ADAMTS17: variants seen among roughly 807,000 people sequenced by gnomAD.
ADAMTS17 encodes the protein ADAM metallopeptidase with thrombospondin type 1 motif 17.
Under a neutral mutation model 141.5 loss-of-function variants are expected in ADAMTS17, and 113 were observed. The observed-to-expected ratio is 0.80, with a 90% CI of 0.69 to 0.93. The LOEUF is 0.93. Among genes scored for constraint, ADAMTS17 ranks in the 40% least tolerant of loss-of-function variants. ADAMTS17 has a pLI of 0.00. For synonymous variants in ADAMTS17, 768 were observed against 630.6 expected, an observed-to-expected ratio of 1.22 and a Z score of -3.27; for missense variants, 1,659 against 1,517.9, an observed-to-expected ratio of 1.09 and a Z score of -1.54.
At chr15:100,114,273 T>A (rs984908333) in intron 13 of ADAMTS17, among the ~76,000 whole-genome samples, 2 of 151,954 alleles carry the variant, frequency 1.3e-5, no homozygotes, top group Admixed American at 1.3e-4. Context: ...AGCACTGCTA[T>A]GAATAGGGCA....
At chr15:100,339,099 C>G in intron 2 of ADAMTS17, 1 of 985,472 alleles carries the variant, frequency 1.0e-6, no homozygotes, top group Non-Finnish European at 1.2e-6. Flanking sequence ...AAGCTGAAGT[C>G]TTAGAGGTAC....
At chr15:100,045,089 G>A (rs1347560416) in intron 18 of ADAMTS17, among the ~76,000 whole-genome samples, 1 of 152,070 alleles carries the variant, frequency 6.6e-6, no homozygotes, top group Non-Finnish European at 1.5e-5. Flanking sequence ...TTACAGGTAT[G>A]AGCCACCATG....
chr15:100,269,332 C>A (rs1055268496), intron 4 of ADAMTS17, among the ~76,000 whole-genome samples: 1 of 152,172 alleles, frequency 6.6e-6, no homozygotes, highest in Non-Finnish European at 1.5e-5. Flanking sequence ...CAGTTCATTT[C>A]TTTATGTACC....
intron 7 of ADAMTS17, among the ~76,000 whole-genome samples, chr15:100,228,076 A>T (rs76913034): frequency 6.6e-6 from 1 of 152,116 alleles, no homozygotes. Context: ...CTTATTTCTC[A>T]CTACTGGGCC....
At chr15:100,228,060 C>T (rs932904999) in intron 7 of ADAMTS17, among the ~76,000 whole-genome samples, 16 of 152,206 alleles carry the variant, frequency 1.1e-4, no homozygotes, top group Non-Finnish European at 1.8e-4. Context: ...GCAGATACAG[C>T]CCTGCCTTAT....
chr15:100,271,369 C>T (rs558243179), intron 4 of ADAMTS17, among the ~76,000 whole-genome samples: 15 of 152,064 alleles, frequency 9.9e-5, no homozygotes, highest in Admixed American at 1.3e-4. Flanking sequence ...CCCATTTTTC[C>T]GCATCACTGT....
intron 7 of ADAMTS17, among the ~76,000 whole-genome samples, chr15:100,235,067 T>C (rs1322294210): frequency 2.0e-5 from 3 of 152,136 alleles, no homozygotes; most frequent in African/African-American, 7.2e-5. Flanking sequence ...AAAATAGTGC[T>C]GGGCCATGAC....
chr15:100,112,833 G>A (rs1176159934), intron 13 of ADAMTS17, among the ~76,000 whole-genome samples: 6 of 152,104 alleles, frequency 3.9e-5, no homozygotes, highest in African/African-American at 1.4e-4. Flanking sequence ...GGCAGGGCAG[G>A]GAAGATGGGC....
At chr15:100,316,890 C>T (rs1253130434) in intron 3 of ADAMTS17, among the ~76,000 whole-genome samples, 1 of 152,252 alleles carries the variant, frequency 6.6e-6, no homozygotes, top group South Asian at 2.1e-4. Flanking sequence ...CCCAAGGCCA[C>T]TAGGCCCATC....
Position 99,992,910 on chromosome 15 carries a change from C to T in ADAMTS17, c.2949+138G>A, listed in dbSNP as rs150172314. On this transcript the variant is annotated intron_variant, in intron 20 of 21. Coordinates refer to ENST00000268070, the MANE Select transcript of ADAMTS17 (RefSeq NM_139057.4). ...CACACGGGGTCTTGGGTAGTTGCAG[C>T]GGGTGGAAGGAAAATGAATTTGCCT... is the stretch of plus-strand genomic sequence containing the variant. 1,970 of 1,090,596 alleles carry T rather than the reference C, an allele frequency of 1.8e-3. 12 individuals are homozygous for T. Among genetic ancestry groups the T allele is most frequent in the African/African-American group, 0.016 (1,051 of 65,440 alleles). 67.6% of individuals were successfully genotyped at this position (1,090,596 alleles called of 1,614,324 possible). A position where few individuals can be genotyped will look rare whatever the true frequency, so the allele number is the denominator to read the frequency against.
At chr15:100,107,010 A>G (rs1273278271) in intron 14 of ADAMTS17, among the ~76,000 whole-genome samples, 1 of 152,108 alleles carries the variant, frequency 6.6e-6, no homozygotes, top group Non-Finnish European at 1.5e-5. Context: ...ACCCACATTT[A>G]TCTGTATTTG....
In ADAMTS17 at chr15:100,341,972, G is replaced by T; in HGVS notation, c.-73C>A. ...GCGCGCTAGGCGGCGGCGCCAGCCG[G>T]AGTGAAGCCCTCCAGCCTTTGGAAA... On this transcript the variant is annotated 5_prime_UTR_variant, in exon 1 of 22. Coordinates refer to ENST00000268070, the MANE Select transcript of ADAMTS17 (RefSeq NM_139057.4). 6.6e-7 allele frequency: 1 copy of T among 1,516,320 alleles called. No homozygotes were observed. Among genetic ancestry groups the T allele is most frequent in the Non-Finnish European group, 8.9e-7 (1 of 1,120,090 alleles). The allele number at this position is 1,516,320 out of a possible 1,614,324, so 93.9% of individuals were successfully genotyped here. A position where few individuals can be genotyped will look rare whatever the true frequency, so the allele number is the denominator to read the frequency against.
In ADAMTS17 at chr15:100,051,565, C is replaced by G; in HGVS notation, c.2455+7G>C. 6.2e-7 allele frequency: 1 copy of G among 1,613,130 alleles called. No homozygotes were observed. The highest frequency in any genetic ancestry group is 8.5e-7 in the Non-Finnish European group (1 of 1,179,882). On this transcript the variant is annotated splice_region_variant and intron_variant, in intron 17 of 21. Transcript: ENST00000268070. ...CACCCAACAGGTCATGGACCACGGC[C>G]ACTCACCTCCGCCGCACTGCACACT...
Position 99,976,037 on chromosome 15 carries a change from ACACT to A in ADAMTS17, c.3127+4_3127+7del. On this transcript the variant is annotated splice_donor_5th_base_variant and intron_variant, in intron 21 of 21. Transcript: ENST00000268070. ...CCCCTGGGAACCGGGGCCAGTGAAG[ACACT>A]CACCAAGGCGGGGGGAGGTGATGGT... is the stretch of plus-strand genomic sequence containing the variant. 6 of 1,548,438 alleles carry A rather than the reference ACACT, an allele frequency of 3.9e-6. No individual in the cohort carries two copies. The highest frequency in any genetic ancestry group is 5.2e-6 in the Non-Finnish European group (6 of 1,145,014).
intron 13 of ADAMTS17, among the ~76,000 whole-genome samples, chr15:100,112,449 G>A (rs1567194865): frequency 6.6e-6 from 1 of 152,086 alleles, no homozygotes; most frequent in African/African-American, 2.4e-5. Context: ...TATATGGCAT[G>A]ATCTCCCAAA....
intron 6 of ADAMTS17, among the ~76,000 whole-genome samples, chr15:100,259,968 C>T (rs943986157): frequency 6.6e-6 from 1 of 152,184 alleles, no homozygotes; most frequent in Non-Finnish European, 1.5e-5. Context: ...CCTCAGCCTC[C>T]CAAGTAGCTG....
intron 4 of ADAMTS17, 43 bp from the exon 5 acceptor site, chr15:100,262,478 AT>A: frequency 6.5e-7 from 1 of 1,533,430 alleles, no homozygotes; most frequent in Non-Finnish European, 8.9e-7. Flanking sequence ...AAGATAAAAA[AT>A]TTTAAAAATA....
chr15:100,135,365 G>A (rs2038276142), intron 10 of ADAMTS17, among the ~76,000 whole-genome samples: 1 of 151,032 alleles, frequency 6.6e-6, no homozygotes, highest in Non-Finnish European at 1.5e-5. Flanking sequence ...CTCACTGCAA[G>A]CTCCGCCTCC....
At chr15:100,216,717 T>C (rs182541135) in intron 7 of ADAMTS17, among the ~76,000 whole-genome samples, 2 of 152,218 alleles carry the variant, frequency 1.3e-5, no homozygotes, top group South Asian at 4.1e-4. Flanking sequence ...CAGAGGCCTA[T>C]GGCGCCCACC....
Sources: allele counts gnomAD v4.1 joint callset (sites outside exome capture counted in the v4.1 genomes callset), GRCh38; gene constraint gnomAD v4.1.1; transcripts MANE v1.5; gene names NCBI Gene and HGNC (gene_info 2026-07-23, HGNC 2026-07-21).